CHODL: variants seen among roughly 807,000 people sequenced by gnomAD.
The protein encoded by CHODL is transmembrane protein MT75.
In CHODL, 29 loss-of-function variants were observed where a neutral mutation model predicts 34.5. The observed-to-expected ratio is 0.84, with a 90% CI of 0.63 to 1.15. CHODL has a LOEUF of 1.15. Among genes scored for constraint, CHODL ranks in the 50% most tolerant of loss-of-function variants. The pLI is 0.00. For synonymous variants in CHODL, 125 were observed against 116.1 expected (o/e 1.08, Z -0.49); for missense variants, 332 against 332.5 (o/e 1.00, Z 0.01).
intron 2 of CHODL, among the ~76,000 whole-genome samples, chr21:18,124,891 GA>G (rs1486167910): frequency 1.3e-5 from 2 of 152,140 alleles, no homozygotes; most frequent in Non-Finnish European, 2.9e-5. Context: ...CAAACAAAGC[GA>G]AAATAAAACT....
chr21:18,178,156 T>C (rs2073339287), intron 2 of CHODL, among the ~76,000 whole-genome samples: 1 of 152,174 alleles, frequency 6.6e-6, no homozygotes, highest in East Asian at 1.9e-4. Flanking sequence ...TAGTTCAAAT[T>C]ATACTTTGTG....
intron 1 of CHODL, among the ~76,000 whole-genome samples, chr21:17,950,572 A>G (rs2063448992): frequency 6.6e-6 from 1 of 151,756 alleles, no homozygotes; most frequent in East Asian, 1.9e-4. Context: ...GATATAAAGT[A>G]CAATAAAGGA....
At chr21:18,057,583 A>G (rs2064599207) in intron 2 of CHODL, among the ~76,000 whole-genome samples, 1 of 152,024 alleles carries the variant, frequency 6.6e-6, no homozygotes, top group Admixed American at 6.6e-5. Context: ...ATGTATAATG[A>G]CAGGTATCCA....
chr21:18,265,557 A>G (rs1291505741), intron 5 of CHODL, among the ~76,000 whole-genome samples: 1 of 152,110 alleles, frequency 6.6e-6, no homozygotes, highest in East Asian at 1.9e-4. Flanking sequence ...ATAAAAGAAT[A>G]CAAATTGGGT....
chr21:17,970,323 C>T (rs1600843988), intron 1 of CHODL, among the ~76,000 whole-genome samples: 1 of 152,212 alleles, frequency 6.6e-6, no homozygotes, highest in African/African-American at 2.4e-5. Context: ...TCTGTCTTCG[C>T]CATCTTATTT....
At chr21:18,143,757 A>G (rs2072831395) in intron 2 of CHODL, among the ~76,000 whole-genome samples, 1 of 152,090 alleles carries the variant, frequency 6.6e-6, no homozygotes. Context: ...CTCAATGTGC[A>G]TTTATTTAGG....
chr21:17,960,848 G>C (rs897203644), intron 1 of CHODL, among the ~76,000 whole-genome samples: 2 of 151,838 alleles, frequency 1.3e-5, no homozygotes, highest in Non-Finnish European at 2.9e-5. Context: ...TTCTCTACAT[G>C]CCTCCCACAT....
chr21:18,130,681 A>G (rs1479173667), intron 2 of CHODL, among the ~76,000 whole-genome samples: 1 of 152,184 alleles, frequency 6.6e-6, no homozygotes, highest in Non-Finnish European at 1.5e-5. Flanking sequence ...AAATCAGCTG[A>G]TGGAAGTGCA....
At chr21:18,158,983 C>T (rs2073065856) in intron 2 of CHODL, among the ~76,000 whole-genome samples, 1 of 152,120 alleles carries the variant, frequency 6.6e-6, no homozygotes, top group African/African-American at 2.4e-5. Context: ...CAACATTTGA[C>T]AGCACTTTCT....
intron 1 of CHODL, among the ~76,000 whole-genome samples, chr21:17,928,134 G>T (rs947984253): frequency 2.0e-5 from 3 of 152,188 alleles, no homozygotes; most frequent in South Asian, 4.1e-4. Flanking sequence ...AATATTTAAA[G>T]ATCTTGTAAG....
chr21:18,086,721 C>T (rs1001546545), intron 2 of CHODL, among the ~76,000 whole-genome samples: 5 of 152,108 alleles, frequency 3.3e-5, no homozygotes, highest in Admixed American at 1.3e-4. Context: ...AGTCTTTTGG[C>T]CCCAGTGGTG....
chr21:18,119,794 A>G (rs2065457968), intron 2 of CHODL, among the ~76,000 whole-genome samples: 1 of 152,062 alleles, frequency 6.6e-6, no homozygotes, highest in Non-Finnish European at 1.5e-5. Context: ...ATTGGAAGGA[A>G]CCTCAAGAAT....
chr21:18,176,743 C>A (rs2073319201), intron 2 of CHODL, among the ~76,000 whole-genome samples: 1 of 151,756 alleles, frequency 6.6e-6, no homozygotes, highest in South Asian at 2.1e-4. Context: ...AATTTGAAAC[C>A]AAAAAGGGTT....
At chr21:17,964,816 C>A (rs917698228) in intron 1 of CHODL, among the ~76,000 whole-genome samples, 6 of 152,140 alleles carry the variant, frequency 3.9e-5, no homozygotes, top group African/African-American at 1.4e-4. Context: ...CTATTTTGAT[C>A]AAGTTAACCA....
chr21:18,151,618 A>G (rs914353949), intron 2 of CHODL, among the ~76,000 whole-genome samples: 33 of 152,244 alleles, frequency 2.2e-4, no homozygotes, highest in African/African-American at 7.5e-4. Flanking sequence ...GAAGTTCTGG[A>G]GGTCCCGAAT....
intron 1 of CHODL, among the ~76,000 whole-genome samples, chr21:17,960,955 T>A (rs1465305199): frequency 6.6e-6 from 1 of 152,214 alleles, no homozygotes; most frequent in African/African-American, 2.4e-5. Context: ...GGTCTTCATC[T>A]TTTTTTATGT....
intron 2 of CHODL, among the ~76,000 whole-genome samples, chr21:18,176,399 C>A (rs1301194271): frequency 1.3e-5 from 2 of 152,086 alleles, no homozygotes; most frequent in Non-Finnish European, 2.9e-5. Flanking sequence ...GTTCATTGTG[C>A]ATATCTATAT....
intron 1 of CHODL, among the ~76,000 whole-genome samples, chr21:18,001,238 T>C (rs778168793): frequency 3.2e-4 from 48 of 152,342 alleles, no homozygotes; most frequent in Non-Finnish European, 5.7e-4. Flanking sequence ...ACTTCTAGAC[T>C]ATAGCTGAAT....
At chr21:18,167,470 C>T (rs542724198) in intron 2 of CHODL, among the ~76,000 whole-genome samples, 5 of 151,694 alleles carry the variant, frequency 3.3e-5, no homozygotes, top group South Asian at 2.1e-4. Flanking sequence ...CCACCACGCC[C>T]GGCTAATTTT....
Sources: allele counts gnomAD v4.1 joint callset (sites outside exome capture counted in the v4.1 genomes callset), GRCh38; gene constraint gnomAD v4.1.1; transcripts MANE v1.5; gene names NCBI Gene and HGNC (gene_info 2026-07-23, HGNC 2026-07-21).